Variants in VPS13B observed in about 807,000 individuals in gnomAD.
VPS13B encodes the protein intermembrane lipid transfer protein VPS13B.
VPS13B carries 285 observed loss-of-function variants against 426.4 expected under a neutral mutation model. That is an observed-to-expected ratio of 0.67 (90% CI 0.61 to 0.74). VPS13B has a LOEUF of 0.74. Among genes scored for constraint, VPS13B ranks in the 30% least tolerant of loss-of-function variants. VPS13B has a pLI of 0.00. For synonymous variants in VPS13B, 1,676 were observed against 1,676.4 expected (o/e 1.00, Z 0.01); for missense variants, 4,537 against 4,782.6 (o/e 0.95, Z 1.51).
chr8:99,658,875 G>A (rs1014034907), intron 34 of VPS13B, among the ~76,000 whole-genome samples: 5 of 152,128 alleles, frequency 3.3e-5, no homozygotes, highest in African/African-American at 1.2e-4. Flanking sequence ...GCGTGCAGTG[G>A]CACAATCACG....
intron 34 of VPS13B, among the ~76,000 whole-genome samples, chr8:99,654,052 T>A (rs970273593): frequency 5.3e-5 from 8 of 150,828 alleles, no homozygotes; most frequent in East Asian, 1.9e-4. Context: ...TTATTATTAT[T>A]ATATATATTT....
chr8:99,278,710 C>T (rs1191050224), intron 19 of VPS13B, among the ~76,000 whole-genome samples: 5 of 152,306 alleles, frequency 3.3e-5, no homozygotes, highest in Admixed American at 2.6e-4. Flanking sequence ...CTTAAAAGTT[C>T]CTAACGTAAC....
rs1832959231 is a variant in VPS13B at position 99,717,158 on chromosome 8, A to G, written c.6455-13A>G. On this transcript the variant is annotated splice_polypyrimidine_tract_variant and intron_variant, in intron 36 of 61. Transcript: ENST00000357162. ...AAGGATGAATTATATACTCTTCTGTATTTTTTTTTCAGGCATAATTCTTGG... is the reference window on the plus strand; with the variant it reads ...AAGGATGAATTATATACTCTTCTGTGTTTTTTTTTCAGGCATAATTCTTGG... 6 of 1,574,314 alleles carry G rather than the reference A, an allele frequency of 3.8e-6. No homozygotes were observed. Among genetic ancestry groups the G allele is most frequent in the Non-Finnish European group, 5.2e-6 (6 of 1,146,846 alleles).
intron 39 of VPS13B, among the ~76,000 whole-genome samples, chr8:99,754,085 G>GTT (rs34681251): frequency 0.011 from 1,361 of 121,106 alleles, 37 homozygotes; most frequent in African/African-American, 0.037. Flanking sequence ...TAGTATAAGG[G>GTT]TTTTTTTTTT....
At chr8:99,684,973 T>C (rs1472557377) in intron 35 of VPS13B, among the ~76,000 whole-genome samples, 1 of 152,180 alleles carries the variant, frequency 6.6e-6, no homozygotes, top group Non-Finnish European at 1.5e-5. Flanking sequence ...GGCTAATTTT[T>C]TGTATTTTTA....
intron 8 of VPS13B, among the ~76,000 whole-genome samples, chr8:99,128,482 A>AT (rs1353087556): frequency 8.3e-6 from 1 of 120,544 alleles, no homozygotes; most frequent in African/African-American, 3.0e-5. Context: ...ACAAATATTT[A>AT]TTTTTTGAAT....
intron 14 of VPS13B, among the ~76,000 whole-genome samples, chr8:99,154,525 A>G (rs1811251566): frequency 6.6e-6 from 1 of 152,200 alleles, no homozygotes; most frequent in Admixed American, 6.5e-5. Context: ...AAAAATTTGT[A>G]TAAAATTTCC....
At chr8:99,548,702 A>G (rs1385216474) in intron 30 of VPS13B, among the ~76,000 whole-genome samples, 1 of 152,034 alleles carries the variant, frequency 6.6e-6, no homozygotes, top group Non-Finnish European at 1.5e-5. Flanking sequence ...CACATTAAAA[A>G]ATAGAGATTA....
intron 39 of VPS13B, among the ~76,000 whole-genome samples, chr8:99,764,409 CTTT>C (rs1009917177): frequency 3.6e-5 from 4 of 111,682 alleles, no homozygotes; most frequent in Non-Finnish European, 3.7e-5. Context: ...GAGAGAGATT[CTTT>C]TTTTTTTTTT....
chr8:99,474,073 G>A (rs549246130), intron 24 of VPS13B, among the ~76,000 whole-genome samples: 16 of 152,020 alleles, frequency 1.1e-4, no homozygotes, highest in East Asian at 1.9e-4. Flanking sequence ...GATATTGGGC[G>A]TAATCAAGTT....
intron 21 of VPS13B, among the ~76,000 whole-genome samples, chr8:99,428,840 T>C (rs1360668281): frequency 2.0e-5 from 3 of 152,144 alleles, no homozygotes; most frequent in Non-Finnish European, 4.4e-5. Flanking sequence ...CGTATGTTTA[T>C]TGCGGCACTA....
intron 35 of VPS13B, among the ~76,000 whole-genome samples, chr8:99,693,430 G>A (rs1240786627): frequency 2.9e-5 from 4 of 139,774 alleles, no homozygotes; most frequent in East Asian, 2.1e-4. Context: ...TATAAACAGA[G>A]CCAAAGACAA....
At chr8:99,051,283 G>A (rs940012976) in intron 3 of VPS13B, among the ~76,000 whole-genome samples, 1 of 152,168 alleles carries the variant, frequency 6.6e-6, no homozygotes, top group Admixed American at 6.5e-5. Flanking sequence ...TTATTAAATA[G>A]GGAATCGTTT....
intron 31 of VPS13B, among the ~76,000 whole-genome samples, chr8:99,570,798 A>G (rs556969830): frequency 6.6e-6 from 1 of 152,160 alleles, no homozygotes; most frequent in East Asian, 1.9e-4. Flanking sequence ...CATTGAGGAC[A>G]TGTTTTCTAG....
intron 5 of VPS13B, among the ~76,000 whole-genome samples, chr8:99,105,750 G>A (rs935013695): frequency 1.3e-5 from 2 of 152,140 alleles, no homozygotes; most frequent in Admixed American, 1.3e-4. Flanking sequence ...AGCAATGCCA[G>A]TTTTACTTTG....
At chr8:99,467,774 A>T in intron 24 of VPS13B, 140 bp downstream of exon 24, 2 of 887,942 alleles carry the variant, frequency 2.3e-6, no homozygotes, top group Non-Finnish European at 3.5e-6. Context: ...GGGTGGTTAG[A>T]TTAAGAATTG....
At chr8:99,578,914 G>T (rs1362576466) in intron 33 of VPS13B, among the ~76,000 whole-genome samples, 1 of 152,004 alleles carries the variant, frequency 6.6e-6, no homozygotes, top group Non-Finnish European at 1.5e-5. Context: ...GTAAATAAAG[G>T]GATACTCGGA....
intron 17 of VPS13B, among the ~76,000 whole-genome samples, chr8:99,222,653 T>C (rs1388927369): frequency 6.6e-6 from 1 of 152,216 alleles, no homozygotes; most frequent in Non-Finnish European, 1.5e-5. Flanking sequence ...TTATTCATCG[T>C]ATGACATTGT....
At chr8:99,871,390 GA>G (rs1817406642) in intron 60 of VPS13B, 57 bp from the exon 61 acceptor site, 3 of 1,612,334 alleles carry the variant, frequency 1.9e-6, no homozygotes, top group African/African-American at 2.7e-5. Context: ...AATGAGCACT[GA>G]TAAGTGACCA....
Sources: allele counts gnomAD v4.1 joint callset (sites outside exome capture counted in the v4.1 genomes callset), GRCh38; gene constraint gnomAD v4.1.1; transcripts MANE v1.5; gene names NCBI Gene and HGNC (gene_info 2026-07-23, HGNC 2026-07-21).